The following CLOCK variants were observed in gnomAD, a reference collection of about 807,000 sequenced individuals.
The protein encoded by CLOCK is circadian locomoter output cycles protein kaput.
A neutral mutation model predicts 118.4 loss-of-function variants in CLOCK; 43 were observed. The observed-to-expected ratio is 0.36, with a 90% CI of 0.28 to 0.47. The LOEUF (loss-of-function observed/expected upper bound fraction) is 0.47, where lower values mean the gene tolerates loss of function less well. Ranked by LOEUF, CLOCK falls within the 20% of genes least tolerant of loss-of-function variation. The pLI is 1.00. For missense variants in CLOCK, 846 were observed against 999.9 expected (o/e 0.85, Z 2.08); for synonymous variants, 326 against 339.2 (o/e 0.96, Z 0.43).
In CLOCK at chr4:55,453,116, T is replaced by G. The variant is rs1319958155; in HGVS notation, c.1144A>C (p.Arg382=). 3.1e-6 allele frequency: 5 copies of G among 1,612,928 alleles called. No homozygotes were observed. In the South Asian group the frequency reaches 4.4e-5, roughly 14 times the overall value. Reference sequence around the variant, plus strand: ...CCAAGTTCTCGTCGTCTTTCAGCCCTAACTTCTGCATAACTACAAATGGAA... The same window carrying G: ...CCAAGTTCTCGTCGTCTTTCAGCCCGAACTTCTGCATAACTACAAATGGAA... The part of the protein sequence containing the change: ...THTVVSYAEV[R]AERRRELGIE... The change falls in exon 15 of 23, where the codon AGG becomes CGG. Residue 382 remains arginine (R), a synonymous_variant. Transcript: ENST00000513440.
intron 2 of CLOCK, among the ~76,000 whole-genome samples, chr4:55,509,014 T>A (rs1728981793): frequency 6.6e-6 from 1 of 152,236 alleles, no homozygotes; most frequent in Non-Finnish European, 1.5e-5. Flanking sequence ...CTATTGCTCC[T>A]AGGCTACAAA....
chr4:55,504,283 C>CAAAAAAAAAAAA (rs35414558), intron 2 of CLOCK, among the ~76,000 whole-genome samples: 1 of 51,958 alleles, frequency 1.9e-5, no homozygotes. Flanking sequence ...GAGACTCCAT[C>CAAAAAAAAAAAA]AAAAAAAAAA....
chr4:55,447,336 C>T (rs748213446), intron 18 of CLOCK, among the ~76,000 whole-genome samples: 2 of 151,572 alleles, frequency 1.3e-5, no homozygotes, highest in African/African-American at 2.4e-5. Context: ...TGCACTCCAG[C>T]CTGGGTGACA....
chr4:55,543,869 A>T (rs1187227452), intron 1 of CLOCK, among the ~76,000 whole-genome samples: 1 of 152,244 alleles, frequency 6.6e-6, no homozygotes, highest in East Asian at 1.9e-4. Context: ...GACACTTTGC[A>T]GAAGTCTATT....
chr4:55,515,947 A>T (rs555094451), intron 1 of CLOCK, among the ~76,000 whole-genome samples: 156 of 152,244 alleles, frequency 1.0e-3, no homozygotes, highest in African/African-American at 3.5e-3. Context: ...GAAAATAAAA[A>T]TTTTTTTAAT....
rs117488913 is a variant in CLOCK, at chr4:55,457,004, A to G, written c.793-704T>C. 7.2e-5 allele frequency among the ~76,000 whole-genome samples: 11 copies of G among 152,240 alleles called. No individual in the cohort carries two copies. In the East Asian group the frequency reaches 1.9e-3, roughly 27 times the overall value. On this transcript the variant is annotated intron_variant, in intron 11 of 22. Coordinates refer to ENST00000513440, the MANE Select transcript of CLOCK (RefSeq NM_004898.4). ...CTTCTAAACAAGTTAATATATTTTA[A>G]TTTTCCAGTACTAAAGAATGTGGTA...
At chr4:55,440,708 T>C (rs1723299148) in intron 21 of CLOCK, among the ~76,000 whole-genome samples, 1 of 152,246 alleles carries the variant, frequency 6.6e-6, no homozygotes, top group Non-Finnish European at 1.5e-5. Flanking sequence ...CTTAAATTAA[T>C]ACCTGAATTA....
chr4:55,481,651 C>T (rs929163772), intron 4 of CLOCK, among the ~76,000 whole-genome samples: 1 of 151,972 alleles, frequency 6.6e-6, no homozygotes, highest in African/African-American at 2.4e-5. Context: ...AAGAGCTGTC[C>T]CCAGATGTCA....
intron 2 of CLOCK, among the ~76,000 whole-genome samples, chr4:55,504,283 CAAAAAAAAAAA>C (rs35414558): frequency 5.8e-5 from 3 of 51,958 alleles, no homozygotes; most frequent in South Asian, 9.4e-4. Flanking sequence ...GAGACTCCAT[CAAAAAAAAAAA>C]AAAAAAAAAA....
Position 55,470,621 on chromosome 4 carries a change from T to A in CLOCK, c.438+96A>T. ...CTCTGATTCCTACCCCTTTAACGAC[T>A]GTTGTACACTGCTCTCAAAGTCCAC... On this transcript the variant is annotated intron_variant, in intron 8 of 22. Transcript: ENST00000513440. 3.6e-6 allele frequency: 3 copies of A among 831,414 alleles called. No individual in the cohort carries two copies. In the South Asian group the frequency reaches 4.4e-5, roughly 12 times the overall value. 51.5% of individuals were successfully genotyped at this position (831,414 alleles called of 1,614,324 possible). A position where few individuals can be genotyped will look rare whatever the true frequency, so the allele number is the denominator to read the frequency against.
At chr4:55,517,660 T>C (rs1443685686) in intron 1 of CLOCK, among the ~76,000 whole-genome samples, 1 of 152,238 alleles carries the variant, frequency 6.6e-6, no homozygotes, top group Non-Finnish European at 1.5e-5. Flanking sequence ...ATACTTGAAA[T>C]GTTCCCTTCT....
chr4:55,457,313 TC>T, intron 11 of CLOCK, among the ~76,000 whole-genome samples: 1 of 152,346 alleles, frequency 6.6e-6, no homozygotes, highest in South Asian at 2.1e-4. Context: ...ACATACTCTT[TC>T]ATTTTTACCT....
At chr4:55,460,560 A>T (rs1577721140) in intron 9 of CLOCK, among the ~76,000 whole-genome samples, 1 of 152,112 alleles carries the variant, frequency 6.6e-6, no homozygotes, top group African/African-American at 2.4e-5. Context: ...TACTTATTTC[A>T]CCAAGGAAGC....
intron 15 of CLOCK, among the ~76,000 whole-genome samples, chr4:55,450,943 T>A (rs1724387420): frequency 6.6e-6 from 1 of 152,034 alleles, no homozygotes; most frequent in South Asian, 2.1e-4. Flanking sequence ...GTTTCATAGT[T>A]TCATACAGCG....
chr4:55,538,239 C>T (rs1393793452), intron 1 of CLOCK, among the ~76,000 whole-genome samples: 1 of 152,010 alleles, frequency 6.6e-6, no homozygotes, highest in Non-Finnish European at 1.5e-5. Flanking sequence ...GAAAACTTAT[C>T]AGGCATGTGA....
intron 4 of CLOCK, among the ~76,000 whole-genome samples, chr4:55,481,134 T>C (rs1038264948): frequency 1.3e-5 from 2 of 152,184 alleles, no homozygotes; most frequent in African/African-American, 4.8e-5. Flanking sequence ...AATTCCCTAT[T>C]CACTCCTTTA....
chr4:55,468,802 G>T (rs957039722), intron 8 of CLOCK, among the ~76,000 whole-genome samples: 1 of 152,194 alleles, frequency 6.6e-6, no homozygotes, highest in Admixed American at 6.5e-5. Context: ...AGATAAAGTG[G>T]TAAGACCTTG....
chr4:55,436,892 C>CT (rs35888413), intron 22 of CLOCK, among the ~76,000 whole-genome samples: 3,809 of 98,324 alleles, frequency 0.039, 117 homozygotes, highest in South Asian at 0.07. Context: ...TTTGGGATGC[C>CT]TTTTTTTTTT....
At chr4:55,453,952 T>C in intron 13 of CLOCK, 128 bp from the exon 14 acceptor site, 3 of 682,852 alleles carry the variant, frequency 4.4e-6, no homozygotes, top group Non-Finnish European at 7.3e-6. Flanking sequence ...TGATAACATA[T>C]ATGTCAATAT....
Sources: allele counts gnomAD v4.1 joint callset (sites outside exome capture counted in the v4.1 genomes callset), GRCh38; gene constraint gnomAD v4.1.1; transcripts MANE v1.5; gene names NCBI Gene and HGNC (gene_info 2026-07-23, HGNC 2026-07-21).